The following ATP2B2 variants were observed in gnomAD, a reference collection of about 807,000 sequenced individuals.
ATP2B2 encodes plasma membrane calcium-transporting ATPase 2.
A neutral mutation model predicts 120.0 loss-of-function variants in ATP2B2; 15 were observed. The ratio of observed to expected loss-of-function variants is 0.12; its 90% CI spans 0.08 to 0.19. The LOEUF is 0.19. ATP2B2 is among the 10% of genes least tolerant of loss of function. The pLI, the probability that ATP2B2 is intolerant of heterozygous loss-of-function variation, is 1.00. For missense variants in ATP2B2, 1,045 were observed against 1,719.8 expected (o/e 0.61, Z 6.94); for synonymous variants, 694 against 700.3 (o/e 0.99, Z 0.14).
intron 2 of ATP2B2, among the ~76,000 whole-genome samples, chr3:10,412,307 T>G (rs1041286273): frequency 1.3e-5 from 2 of 152,192 alleles, no homozygotes; most frequent in African/African-American, 2.4e-5. Context: ...GAACCTCTCA[T>G]GGAGGAAATT....
At chr3:10,535,118 G>C (rs2067286588) in intron 2 of ATP2B2, among the ~76,000 whole-genome samples, 1 of 151,842 alleles carries the variant, frequency 6.6e-6, no homozygotes, top group Non-Finnish European at 1.5e-5. Flanking sequence ...TTGCCAGGCT[G>C]GTCTCCAACT....
At chr3:10,645,061 T>C (rs2125656828) in intron 1 of ATP2B2, among the ~76,000 whole-genome samples, 1 of 152,094 alleles carries the variant, frequency 6.6e-6, no homozygotes, top group South Asian at 2.1e-4. Flanking sequence ...TATTCTCAAA[T>C]GGTTTAGGAA....
chr3:10,413,270 G>A (rs185446905), intron 2 of ATP2B2, among the ~76,000 whole-genome samples: 31 of 152,284 alleles, frequency 2.0e-4, no homozygotes, highest in Admixed American at 1.4e-3. Flanking sequence ...TTCTAGATGC[G>A]GAGTCTCCTC....
intron 2 of ATP2B2, among the ~76,000 whole-genome samples, chr3:10,595,187 A>C (rs2068737692): frequency 6.6e-6 from 1 of 152,236 alleles, no homozygotes; most frequent in Non-Finnish European, 1.5e-5. Context: ...CCAACCCGGA[A>C]GCCGTTGAAG....
chr3:10,675,370 T>A (rs2071215001), intron 1 of ATP2B2, among the ~76,000 whole-genome samples: 1 of 152,240 alleles, frequency 6.6e-6, no homozygotes, highest in Non-Finnish European at 1.5e-5. Context: ...TTGCCTTCTT[T>A]CATTCACCAT....
chr3:10,475,403 T>C (rs1183938160), intron 1 of ATP2B2, among the ~76,000 whole-genome samples: 1 of 152,172 alleles, frequency 6.6e-6, no homozygotes, highest in Non-Finnish European at 1.5e-5. Flanking sequence ...GCAGAATGCC[T>C]CTCTGGCTGG....
intron 21 of ATP2B2, among the ~76,000 whole-genome samples, chr3:10,339,657 C>G (rs1273464761): frequency 6.6e-6 from 1 of 152,212 alleles, no homozygotes; most frequent in African/African-American, 2.4e-5. Flanking sequence ...GCAGGCACAG[C>G]ACTGAGGCCA....
intron 1 of ATP2B2, among the ~76,000 whole-genome samples, chr3:10,651,685 A>G (rs1430684738): frequency 6.6e-6 from 1 of 151,644 alleles, no homozygotes; most frequent in Non-Finnish European, 1.5e-5. Context: ...TGGGTGGTAG[A>G]TGGGTGGATG....
chr3:10,707,578 GC>G (rs1213945740), intron 1 of ATP2B2, among the ~76,000 whole-genome samples: 1 of 152,126 alleles, frequency 6.6e-6, no homozygotes, highest in Admixed American at 6.5e-5. Context: ...CGTCCCGGAC[GC>G]CCCCCCAGCT....
chr3:10,549,865 G>T (rs938364116), intron 2 of ATP2B2, among the ~76,000 whole-genome samples: 1 of 152,158 alleles, frequency 6.6e-6, no homozygotes, highest in Admixed American at 6.5e-5. Flanking sequence ...CACAGGGGAG[G>T]GGCCCACTGA....
At chr3:10,501,962 C>A (rs141419750) in intron 1 of ATP2B2, among the ~76,000 whole-genome samples, 3 of 152,134 alleles carry the variant, frequency 2.0e-5, no homozygotes, top group Non-Finnish European at 4.4e-5. Flanking sequence ...AGGTAGGGCC[C>A]AGAAATCTGC....
intron 1 of ATP2B2, among the ~76,000 whole-genome samples, chr3:10,490,117 A>G (rs910470102): frequency 2.6e-5 from 4 of 152,186 alleles, no homozygotes; most frequent in African/African-American, 9.6e-5. Flanking sequence ...ACAACAGGCC[A>G]GGGCTTCCCC....
At chr3:10,701,059 T>C (rs891910167) in intron 1 of ATP2B2, among the ~76,000 whole-genome samples, 2 of 152,172 alleles carry the variant, frequency 1.3e-5, no homozygotes, top group African/African-American at 2.4e-5. Flanking sequence ...GATATTTCTA[T>C]AGCACGAATG....
At chr3:10,530,420 T>C (rs529327637) in intron 3 of ATP2B2, among the ~76,000 whole-genome samples, 1 of 152,352 alleles carries the variant, frequency 6.6e-6, no homozygotes, top group Non-Finnish European at 1.5e-5. Flanking sequence ...GGAGACGACC[T>C]GCGGCCGGAG....
chr3:10,539,537 A>G (rs1202907642), intron 2 of ATP2B2, among the ~76,000 whole-genome samples: 1 of 152,206 alleles, frequency 6.6e-6, no homozygotes, highest in Admixed American at 6.5e-5. Context: ...CAATGGAACC[A>G]AACAGAGCCC....
chr3:10,482,477 A>T (rs1022701718), intron 1 of ATP2B2, among the ~76,000 whole-genome samples: 15 of 152,128 alleles, frequency 9.9e-5, no homozygotes, highest in Non-Finnish European at 5.9e-5. Flanking sequence ...TGGGTGTGTG[A>T]GCAATGGCCT....
chr3:10,385,764 T>C (rs4040528), intron 7 of ATP2B2, among the ~76,000 whole-genome samples: 85,277 of 152,142 alleles, frequency 0.56, 26,077 homozygotes, highest in East Asian at 0.98. Context: ...GTATTCTCCA[T>C]GACCACCATC....
intron 2 of ATP2B2, among the ~76,000 whole-genome samples, chr3:10,448,693 T>G (rs1036715102): frequency 6.6e-6 from 1 of 152,218 alleles, no homozygotes; most frequent in Non-Finnish European, 1.5e-5. Context: ...TCCATCTTCC[T>G]ACTGCTTTGT....
intron 1 of ATP2B2, among the ~76,000 whole-genome samples, chr3:10,664,607 A>G (rs1297320685): frequency 6.6e-6 from 1 of 152,146 alleles, no homozygotes; most frequent in East Asian, 1.9e-4. Context: ...GGGACTTAGG[A>G]ACTAATCCTA....
Sources: gnomAD v4.1 joint callset for allele counts (sites outside exome capture counted in the v4.1 genomes callset) on GRCh38, gnomAD v4.1.1 for gene constraint, MANE v1.5 for transcripts, NCBI Gene and HGNC (gene_info 2026-07-23, HGNC 2026-07-21) for gene names.